Variants in MAP2K4 observed in about 807,000 individuals in gnomAD.
MAP2K4 encodes the protein mitogen-activated protein kinase kinase 4, also known as dual specificity mitogen-activated protein kinase kinase 4.
MAP2K4 carries 4 observed loss-of-function variants against 48.5 expected under a neutral mutation model. That is an observed-to-expected ratio of 0.08 (90% CI 0.04 to 0.19). MAP2K4 has a LOEUF of 0.19. MAP2K4 is among the 10% of genes least tolerant of loss of function. The pLI, the probability that MAP2K4 is intolerant of heterozygous loss-of-function variation, is 1.00. For missense variants in MAP2K4, 258 were observed against 493.3 expected, an observed-to-expected ratio of 0.52 and a Z score of 4.52; for synonymous variants, 166 against 173.1, an observed-to-expected ratio of 0.96 and a Z score of 0.32.
chr17:12,094,583 T>G (rs1179315309), intron 3 of MAP2K4, among the ~76,000 whole-genome samples: 1 of 152,214 alleles, frequency 6.6e-6, no homozygotes, highest in Non-Finnish European at 1.5e-5. Flanking sequence ...TGTGAACTTT[T>G]TTATGAGAAC....
At chr17:12,028,384 T>G (rs1969326336) in intron 1 of MAP2K4, among the ~76,000 whole-genome samples, 1 of 152,206 alleles carries the variant, frequency 6.6e-6, no homozygotes, top group Non-Finnish European at 1.5e-5. Flanking sequence ...CTTTTGATAG[T>G]TTCAGAAAGT....
chr17:12,021,708 T>A (rs553822701), intron 1 of MAP2K4, among the ~76,000 whole-genome samples: 91 of 149,552 alleles, frequency 6.1e-4, no homozygotes, highest in African/African-American at 2.1e-3. Context: ...GGCCAGGGAT[T>A]TCTGTGTTAG....
rs775867281 is a variant in MAP2K4, at chr17:12,081,538, A to T, written c.393+8A>T. 2.9e-5 allele frequency: 46 copies of T among 1,613,060 alleles called. No individual in the cohort carries two copies. In the East Asian group the frequency reaches 5.3e-4, roughly 19 times the overall value. On this transcript the variant is annotated splice_region_variant and intron_variant, in intron 3 of 10. Coordinates refer to ENST00000353533, the MANE Select transcript of MAP2K4 (RefSeq NM_003010.4). This position sits in a 1 kb window ranked among gnomAD's most constrained non-coding sequence, Gnocchi z 4.2. ...CAAATAATGGCAGTTAAAGTAGGTGATGCCATGATTATTTTTGGTACTTTA... is the reference window on the plus strand; with the variant it reads ...CAAATAATGGCAGTTAAAGTAGGTGTTGCCATGATTATTTTTGGTACTTTA...
At position 12,125,170 on chromosome 17, in the gene MAP2K4, A is replaced by G. The variant is rs1972816171; in HGVS notation, c.814-124A>G. The G allele has an allele frequency of 4.3e-6, 3 of 705,528 alleles. No individual in the cohort carries two copies. The Admixed American group carries it at 6.4e-5, about 15-fold the overall frequency. The allele number at this position is 705,528 out of a possible 1,614,324, so 43.7% of individuals were successfully genotyped here. A position where few individuals can be genotyped will look rare whatever the true frequency, so the allele number is the denominator to read the frequency against. On this transcript the variant is annotated intron_variant, in intron 7 of 10. Coordinates refer to ENST00000353533, the MANE Select transcript of MAP2K4 (RefSeq NM_003010.4). Reference sequence around the variant, plus strand: ...ATGACTTCCTATTACTTCCATTCTGACGCTAGACATGGATTCCTCTAGGAA... The same window carrying G: ...ATGACTTCCTATTACTTCCATTCTGGCGCTAGACATGGATTCCTCTAGGAA...
chr17:12,110,760 G>A (rs1215019333), intron 6 of MAP2K4: 3 of 224,744 alleles, frequency 1.3e-5, no homozygotes, highest in Non-Finnish European at 2.6e-5. Context: ...GACATTCAAA[G>A]AAGAATCTGA....
chr17:12,055,381 G>C, intron 2 of MAP2K4, among the ~76,000 whole-genome samples: 1 of 151,996 alleles, frequency 6.6e-6, no homozygotes, highest in East Asian at 1.9e-4. Context: ...AAATATTAGA[G>C]CATCTTAGTT....
intron 3 of MAP2K4, among the ~76,000 whole-genome samples, chr17:12,094,628 A>G (rs182917561): frequency 6.6e-6 from 1 of 152,244 alleles, no homozygotes; most frequent in East Asian, 1.9e-4. Flanking sequence ...TTAAACTATA[A>G]TTTTATTATT....
At chr17:12,095,968 A>G (rs1053511445) in intron 4 of MAP2K4, among the ~76,000 whole-genome samples, 8 of 147,748 alleles carry the variant, frequency 5.4e-5, no homozygotes, top group Non-Finnish European at 1.0e-4. Flanking sequence ...ATCTCATACA[A>G]ATATTTTCTG....
intron 1 of MAP2K4, among the ~76,000 whole-genome samples, chr17:12,045,780 A>G (rs1317826108): frequency 6.6e-6 from 1 of 152,160 alleles, no homozygotes; most frequent in Non-Finnish European, 1.5e-5. Flanking sequence ...TGACTGTTGT[A>G]CATAGAAAAT....
At chr17:12,046,073 A>G (rs1969953814) in intron 1 of MAP2K4, among the ~76,000 whole-genome samples, 1 of 152,218 alleles carries the variant, frequency 6.6e-6, no homozygotes, top group Non-Finnish European at 1.5e-5. Context: ...GGTATGTAGC[A>G]GATTAGGCCG....
intron 4 of MAP2K4, among the ~76,000 whole-genome samples, chr17:12,102,793 T>C (rs555563463): frequency 6.6e-6 from 1 of 152,176 alleles, no homozygotes; most frequent in African/African-American, 2.4e-5. Flanking sequence ...ATCTAAATTA[T>C]CAAATTTATT....
At chr17:12,119,379 A>G (rs958974481) in intron 7 of MAP2K4, among the ~76,000 whole-genome samples, 2 of 152,228 alleles carry the variant, frequency 1.3e-5, no homozygotes, top group African/African-American at 4.8e-5. Context: ...GCATCCAACA[A>G]GCATATGAAA....
chr17:12,075,821 A>G (rs758880992), intron 2 of MAP2K4, among the ~76,000 whole-genome samples: 4 of 152,230 alleles, frequency 2.6e-5, no homozygotes, highest in Non-Finnish European at 5.9e-5. Flanking sequence ...GTGTTAAAAT[A>G]TATTAAGTGA....
chr17:12,141,462 G>A lies in MAP2K4; in HGVS notation c.*202G>A. ...ACCTGATTGATCACACAGTGTTAGT[G>A]CTGGTCAGAGAGACCTCATCCTGCT... On this transcript the variant is annotated 3_prime_UTR_variant, in exon 11 of 11. Coordinates refer to ENST00000353533, the MANE Select transcript of MAP2K4 (RefSeq NM_003010.4). 5.2e-6 allele frequency: 3 copies of A among 580,586 alleles called. No individual in the cohort carries two copies. Among genetic ancestry groups the A allele is most frequent in the Non-Finnish European group, 9.2e-6 (3 of 324,910 alleles). 36.0% of individuals were successfully genotyped at this position (580,586 alleles called of 1,614,324 possible). A position where few individuals can be genotyped will look rare whatever the true frequency, so the allele number is the denominator to read the frequency against.
At position 12,026,202 on chromosome 17, in the gene MAP2K4, T is replaced by C. The variant is rs531241164; in HGVS notation, c.115+5201T>C. 3.9e-5 allele frequency among the ~76,000 whole-genome samples: 6 copies of C among 152,324 alleles called. No homozygotes were observed. In the East Asian group the frequency reaches 1.2e-3, roughly 29 times the overall value. ...TTAAAATACCTTACTAGCCTGAATG[T>C]GTGCTGAAACTTGTTTAAGATGGGA... On this transcript the variant is annotated intron_variant, in intron 1 of 10. Transcript: ENST00000353533.
intron 7 of MAP2K4, among the ~76,000 whole-genome samples, chr17:12,121,770 A>G (rs981614991): frequency 6.6e-6 from 1 of 152,206 alleles, no homozygotes; most frequent in African/African-American, 2.4e-5. Context: ...TTAGACATGC[A>G]TACTTCATGT....
At chr17:12,091,203 T>G (rs1210869568) in intron 3 of MAP2K4, among the ~76,000 whole-genome samples, 3 of 152,232 alleles carry the variant, frequency 2.0e-5, no homozygotes, top group Non-Finnish European at 4.4e-5. Context: ...AGGCTAAATA[T>G]TATTCAAGAT....
intron 4 of MAP2K4, among the ~76,000 whole-genome samples, chr17:12,105,811 CT>C (rs1445329018): frequency 2.0e-5 from 3 of 151,970 alleles, no homozygotes; most frequent in African/African-American, 7.2e-5. Context: ...TCTGTCCCCC[CT>C]TCTCATCTTC....
intron 7 of MAP2K4, among the ~76,000 whole-genome samples, chr17:12,113,902 AC>A (rs1174692725): frequency 6.6e-6 from 1 of 152,100 alleles, no homozygotes; most frequent in African/African-American, 2.4e-5. Context: ...AACTCATCTT[AC>A]CCCAGTATAT....
Sources: allele counts gnomAD v4.1 joint callset (sites outside exome capture counted in the v4.1 genomes callset), GRCh38; gene constraint gnomAD v4.1.1; non-coding constraint Gnocchi (gnomAD v3.1); transcripts MANE v1.5; gene names NCBI Gene and HGNC (gene_info 2026-07-23, HGNC 2026-07-21).